BIRC2: variants seen among roughly 807,000 people sequenced by gnomAD.
The protein encoded by BIRC2 is baculoviral IAP repeat-containing protein 2.
A neutral mutation model predicts 60.9 loss-of-function variants in BIRC2; 18 were observed. The observed-to-expected ratio is 0.30, with a 90% CI of 0.20 to 0.44. The LOEUF (loss-of-function observed/expected upper bound fraction) is 0.44. Ranked by LOEUF, BIRC2 falls within the 20% of genes least tolerant of loss-of-function variation. The pLI, the probability that BIRC2 is intolerant of heterozygous loss-of-function variation, is 1.00. For missense variants in BIRC2, 701 were observed against 728.5 expected (o/e 0.96, Z 0.43); for synonymous variants, 282 against 247.7 (o/e 1.14, Z -1.30).
In BIRC2 at chr11:102,377,595, A is replaced by T. The variant is rs1461033908; in HGVS notation, c.1466A>T (p.Asn489Ile). 6.2e-7 allele frequency: 1 copy of T among 1,611,916 alleles called. No individual in the cohort carries two copies. Among genetic ancestry groups the T allele is most frequent in the African/African-American group, 1.3e-5 (1 of 74,812 alleles). Residue 489 changes from asparagine (N) to isoleucine (I), a missense_variant, in exon 7 of 9, where the codon AAT becomes ATT. Around this residue, in one of 4 missense-constraint regions of BIRC2, gnomAD observed 235 missense variants for 208.9 expected, o/e 1.12. Coordinates refer to ENST00000227758, the MANE Select transcript of BIRC2 (RefSeq NM_001166.5). ...LDNLLKANVI[N>I]KQEHDIIKQK... ...AATCTTTTAAAGGCCAATGTAATTAATAAACAGGAACATGATATTATTAAA... is the reference window on the plus strand; with the variant it reads ...AATCTTTTAAAGGCCAATGTAATTATTAAACAGGAACATGATATTATTAAA...
intron 6 of BIRC2, among the ~76,000 whole-genome samples, chr11:102,373,825 C>T (rs563021597): frequency 3.3e-5 from 5 of 151,708 alleles, no homozygotes; most frequent in African/African-American, 9.7e-5. Context: ...TAGATTTGGT[C>T]TTTTCACATA....
intron 3 of BIRC2, among the ~76,000 whole-genome samples, chr11:102,360,860 G>GT (rs904330538): frequency 1.3e-5 from 2 of 151,802 alleles, no homozygotes; most frequent in African/African-American, 2.4e-5. Context: ...AGGTGTGGTG[G>GT]TTCTGGCTCT....
At chr11:102,351,547 G>A (rs570247881) in intron 3 of BIRC2, among the ~76,000 whole-genome samples, 29 of 148,958 alleles carry the variant, frequency 1.9e-4, no homozygotes, top group African/African-American at 5.4e-4. Context: ...CTCAGGAGGC[G>A]GAGGCTGCAG....
chr11:102,371,756 T>G (rs1307847729), intron 6 of BIRC2, among the ~76,000 whole-genome samples: 11 of 150,082 alleles, frequency 7.3e-5, no homozygotes, highest in Non-Finnish European at 1.5e-4. Flanking sequence ...CAGTTCCTCC[T>G]TGTACCTCTG....
chr11:102,367,972 A>G (rs1951572726), intron 5 of BIRC2, among the ~76,000 whole-genome samples: 1 of 152,212 alleles, frequency 6.6e-6, no homozygotes, highest in Admixed American at 6.5e-5. Context: ...CGTATAGCAT[A>G]TTGGTTTCCA....
intron 6 of BIRC2, among the ~76,000 whole-genome samples, chr11:102,369,411 G>A (rs1021150092): frequency 4.7e-5 from 7 of 149,612 alleles, no homozygotes; most frequent in East Asian, 2.0e-4. Flanking sequence ...GAGAATATGC[G>A]GTGTTTGGTT....
At position 102,370,725 on chromosome 11, in the gene BIRC2, G is replaced by C. The variant is rs1383698818; in HGVS notation, c.1366+2177G>C. ...AAGAAAGTCATTGGTAGCTTGATGGGGATGACATTGAATCTGTAAATTACC... is the reference window on the plus strand; with the variant it reads ...AAGAAAGTCATTGGTAGCTTGATGGCGATGACATTGAATCTGTAAATTACC... On this transcript the variant is annotated intron_variant, in intron 6 of 8. Coordinates refer to ENST00000227758, the MANE Select transcript of BIRC2 (RefSeq NM_001166.5). 2.2e-5 allele frequency among the ~76,000 whole-genome samples: 2 copies of C among 88,938 alleles called. 1 individual carries two copies. Among genetic ancestry groups the C allele is most frequent in the African/African-American group, 1.2e-4 (2 of 17,048 alleles). The allele number at this position is 88,938 out of a possible 152,430, so 58.3% of individuals were successfully genotyped here.
chr11:102,371,547 T>TA (rs1277620276), intron 6 of BIRC2, among the ~76,000 whole-genome samples: 2 of 145,328 alleles, frequency 1.4e-5, no homozygotes, highest in Admixed American at 1.4e-4. Context: ...AGCTTTTTGA[T>TA]ATGCTGCTGG....
At chr11:102,369,652 T>C (rs1290006042) in intron 6 of BIRC2, among the ~76,000 whole-genome samples, 32 of 146,480 alleles carry the variant, frequency 2.2e-4, no homozygotes, top group African/African-American at 6.8e-4. Flanking sequence ...TATAGCAGCA[T>C]GATTTATAGT....
At chr11:102,375,846 C>T (rs1307309112) in intron 6 of BIRC2, among the ~76,000 whole-genome samples, 10 of 151,686 alleles carry the variant, frequency 6.6e-5, no homozygotes, top group Admixed American at 2.6e-4. Flanking sequence ...AACCAGACAT[C>T]GGCTTTCTCA....
In BIRC2 at chr11:102,358,833, C is replaced by G. The variant is rs770853431; in HGVS notation, c.996-4063C>G. On this transcript the variant is annotated intron_variant, in intron 3 of 8. Coordinates refer to ENST00000227758, the MANE Select transcript of BIRC2 (RefSeq NM_001166.5). ...CCATTTGCATGGAATATCTTTTTTC[C>G]TATACCCATGCATGTGCTTAAAGGT... Among the ~76,000 whole-genome samples the G allele has an allele frequency of 6.4e-4, 98 of 152,132 alleles. 1 individual carries two copies. The highest frequency in any genetic ancestry group is 1.8e-3 in the Admixed American group (27 of 15,296).
intron 3 of BIRC2, among the ~76,000 whole-genome samples, chr11:102,356,947 G>A (rs1020229951): frequency 6.6e-6 from 1 of 152,126 alleles, no homozygotes; most frequent in African/African-American, 2.4e-5. Context: ...TGGGATTACA[G>A]GCGTGAGCCA....
intron 6 of BIRC2, among the ~76,000 whole-genome samples, chr11:102,374,407 G>T (rs1358271755): frequency 6.7e-5 from 10 of 148,190 alleles, no homozygotes; most frequent in East Asian, 3.9e-4. Flanking sequence ...TCAGCTGCAG[G>T]TCTGTTGGAA....
At chr11:102,357,325 T>C (rs1041071556) in intron 3 of BIRC2, among the ~76,000 whole-genome samples, 11 of 151,304 alleles carry the variant, frequency 7.3e-5, no homozygotes, top group African/African-American at 9.7e-5. Flanking sequence ...TCTTCCTCCT[T>C]CTTTCCTCCT....
In BIRC2 at chr11:102,349,890, T is replaced by G; in HGVS notation, c.36T>G (p.Gly12=). Residue 12 remains glycine (G), a synonymous_variant, in exon 2 of 9, where the codon GGT becomes GGG. Transcript: ENST00000227758. ...CTGCCTCCCAAAGACTTTTCCCAGG[T>G]CCCTCGTATCAAAACATTAAGAGTA... ...HKTASQRLFP[G]PSYQNIKSIM... is the part of the protein sequence containing the mutation. 6.2e-7 allele frequency: 1 copy of G among 1,612,060 alleles called. No individual in the cohort carries two copies. Among genetic ancestry groups the G allele is most frequent in the South Asian group, 1.1e-5 (1 of 90,846 alleles).
At chr11:102,362,759 G>T in intron 3 of BIRC2, 137 bp from the exon 4 acceptor site, 1 of 576,506 alleles carries the variant, frequency 1.7e-6, no homozygotes, top group East Asian at 2.8e-5. Context: ...TGTTAGATAT[G>T]TATGTGTTCT....
rs568934856 is a variant in BIRC2, at chr11:102,350,152, A to G, written c.298A>G (p.Ile100Val). 1 of 1,614,216 alleles carries G rather than the reference A, an allele frequency of 6.2e-7. No homozygotes were observed. Among genetic ancestry groups the G allele is most frequent in the East Asian group, 2.2e-5 (1 of 44,882 alleles). Residue 100 changes from isoleucine to valine, a missense_variant, in exon 2 of 9, where the codon ATT (isoleucine) becomes GTT (valine). Ile to Val is a conservative substitution (Grantham distance 29). Transcript: ENST00000227758. ...LDNWKLGDSP[I>V]QKHKQLYPSC... Reference sequence around the variant, plus strand: ...TAACTGGAAACTAGGAGACAGTCCTATTCAAAAGCATAAACAGCTATATCC... The same window carrying G: ...TAACTGGAAACTAGGAGACAGTCCTGTTCAAAAGCATAAACAGCTATATCC...
In BIRC2 at chr11:102,377,739, A is replaced by G. The variant is rs1951730772; in HGVS notation, c.1610A>G (p.Lys537Arg). The G allele has an allele frequency of 1.3e-6, 2 of 1,598,730 alleles. No individual in the cohort carries two copies. Among genetic ancestry groups the G allele is most frequent in the Non-Finnish European group, 1.7e-6 (2 of 1,176,776 alleles). Reference sequence around the variant, plus strand: ...AAAGAAATTGACTCTACATTGTATAAGAACTTATTTGGTGAGTTTGTTGGG... The same window carrying G: ...AAAGAAATTGACTCTACATTGTATAGGAACTTATTTGGTGAGTTTGTTGGG... ...CLKEIDSTLY[K>R]NLFVDKNMKY... Residue 537 changes from lysine to arginine, a missense_variant, in exon 7 of 9, where the codon AAG (lysine) becomes AGG (arginine). Transcript: ENST00000227758.
At chr11:102,373,462 A>G (rs1317091383) in intron 6 of BIRC2, among the ~76,000 whole-genome samples, 1 of 151,534 alleles carries the variant, frequency 6.6e-6, no homozygotes, top group Non-Finnish European at 1.5e-5. Context: ...TCTGGGTTGA[A>G]AATTCTTTTC....
Sources: gnomAD v4.1 joint callset for allele counts (sites outside exome capture counted in the v4.1 genomes callset) on GRCh38, gnomAD v4.1.1 for gene constraint, gnomAD v4.1.1 regional missense constraint, MANE v1.5 for transcripts, NCBI Gene and HGNC (gene_info 2026-07-23, HGNC 2026-07-21) for gene names.